GSAP: variants seen among roughly 807,000 people sequenced by gnomAD.
GSAP encodes gamma-secretase-activating protein.
Under a neutral mutation model 131.7 loss-of-function variants are expected in GSAP, and 118 were observed. That is an observed-to-expected ratio of 0.90 (90% CI 0.77 to 1.04). GSAP has a LOEUF of 1.04. Among genes scored for constraint, GSAP ranks in the 50% least tolerant of loss-of-function variants. The pLI is 0.00. For synonymous variants in GSAP, 381 were observed against 363.4 expected, an observed-to-expected ratio of 1.05 and a Z score of -0.55; for missense variants, 1,019 against 1,013.2, an observed-to-expected ratio of 1.01 and a Z score of -0.08.
chr7:77,371,333 C>T (rs1233607886), intron 12 of GSAP, among the ~76,000 whole-genome samples: 1 of 152,126 alleles, frequency 6.6e-6, no homozygotes, highest in East Asian at 1.9e-4. Flanking sequence ...CTGTACTGCC[C>T]ATCCTAGTTC....
intron 26 of GSAP, chr7:77,316,397 G>T (rs1794968437): frequency 6.6e-6 from 1 of 151,982 alleles, no homozygotes; most frequent in Non-Finnish European, 1.5e-5. Flanking sequence ...ACAAGCCATG[G>T]GGCACAGTCC....
chr7:77,397,081 T>G, intron 4 of GSAP, 46 bp from the exon 5 acceptor site: 8 of 1,254,392 alleles, frequency 6.4e-6, no homozygotes, highest in Non-Finnish European at 9.2e-6. Context: ...ATCCATATGG[T>G]AGCTTGTTAA....
chr7:77,416,399 C>A (rs1306565159), upstream of GSAP: 4 of 669,378 alleles, frequency 6.0e-6, no homozygotes, highest in Admixed American at 4.1e-5. Context: ...GCCTCGCCCT[C>A]GCGTCCCCGC....
rs1344948283 is a variant in GSAP, at chr7:77,352,950, C to T, written c.1485G>A (p.Trp495Ter). 12 of 1,571,706 alleles carry T rather than the reference C, an allele frequency of 7.6e-6. No individual in the cohort carries two copies. In the South Asian group the frequency reaches 1.0e-4, roughly 13 times the overall value. ...KLLPHSSVLTWNTEIPGITLV... is the reference protein window; with the variant it reads ...KLLPHSSVLT ...ATACACAGTGTTAACTTACTGTATT[C>T]CAAGTGAGCACTGAGGAATGTGGCA... Residue 495 changes from tryptophan (W) to a stop codon, truncating the protein, a stop_gained, in exon 18 of 31, where the codon TGG becomes TGA. Coordinates refer to ENST00000257626, the MANE Select transcript of GSAP (RefSeq NM_017439.4). LOFTEE classifies it high-confidence loss of function.
Position 77,382,587 on chromosome 7 carries a change from A to G in GSAP, c.513T>C (p.Ile171=), listed in dbSNP as rs751252451. The change falls in exon 7 of 31, where the codon ATT becomes ATC. Residue 171 remains isoleucine, a synonymous_variant. Coordinates refer to ENST00000257626, the MANE Select transcript of GSAP (RefSeq NM_017439.4). The stretch of plus-strand genomic sequence containing the variant: ...AGATACACTTACATTTCTCTTCTGA[A>G]ATCAGTAACAGATGGTTCTCTGGAA... The part of the protein sequence containing the change: ...HPLPENHLLL[I]SEEKYIEQFR... 1 of 1,551,562 alleles carries G rather than the reference A, an allele frequency of 6.4e-7. No individual in the cohort carries two copies. The highest frequency in any genetic ancestry group is 1.1e-5 in the South Asian group (1 of 89,770).
intron 11 of GSAP, among the ~76,000 whole-genome samples, chr7:77,374,488 T>C (rs1310979221): frequency 1.3e-5 from 2 of 152,126 alleles, no homozygotes; most frequent in African/African-American, 4.8e-5. Context: ...TACTTAACGG[T>C]TCAGGATTAT....
intron 14 of GSAP, among the ~76,000 whole-genome samples, chr7:77,359,901 C>G (rs1157510851): frequency 1.3e-5 from 2 of 152,328 alleles, no homozygotes; most frequent in East Asian, 3.8e-4. Flanking sequence ...TAATATTTCT[C>G]TCTCTTATCA....
At chr7:77,398,608 G>GT (rs1315966491) in intron 3 of GSAP, among the ~76,000 whole-genome samples, 9 of 152,010 alleles carry the variant, frequency 5.9e-5, no homozygotes, top group Admixed American at 1.3e-4. Context: ...CTCTACAAAA[G>GT]TTTTTAAAAA....
At chr7:77,342,623 A>G (rs990280944) in intron 19 of GSAP, among the ~76,000 whole-genome samples, 2 of 152,052 alleles carry the variant, frequency 1.3e-5, no homozygotes, top group African/African-American at 4.8e-5. Context: ...TTGGCGACCA[A>G]TCATGCACCC....
intron 18 of GSAP, among the ~76,000 whole-genome samples, chr7:77,352,677 T>C (rs929927889): frequency 8.5e-5 from 13 of 152,202 alleles, no homozygotes; most frequent in African/African-American, 2.9e-4. Flanking sequence ...AATACCATGA[T>C]AGAGGTTTAG....
At position 77,381,330 on chromosome 7, in the gene GSAP, A is replaced by G; in HGVS notation, c.551T>C (p.Val184Ala). The change falls in exon 8 of 31, where the codon GTC (valine) becomes GCC (alanine). Residue 184 changes from valine (V) to alanine (A), a missense_variant. Val to Ala is a moderately conservative substitution (Grantham distance 64). Coordinates refer to ENST00000257626, the MANE Select transcript of GSAP (RefSeq NM_017439.4). ...EKYIEQFRIH[V>A]AQEDGNRVVI... ...CACTCTATTTCCATCTTCTTGGGCGACATGGATACGAAATTGTTCAATATC... is the reference window on the plus strand; with the variant it reads ...CACTCTATTTCCATCTTCTTGGGCGGCATGGATACGAAATTGTTCAATATC... The G allele has an allele frequency of 2.6e-6, 4 of 1,561,626 alleles. No homozygotes were observed. Among genetic ancestry groups the G allele is most frequent in the Non-Finnish European group, 3.5e-6 (4 of 1,147,328 alleles).
rs182486163 is a variant in GSAP at position 77,400,074 on chromosome 7, G to T, written c.244-2659C>A. 9.9e-5 allele frequency among the ~76,000 whole-genome samples: 15 copies of T among 152,236 alleles called. No homozygotes were observed. In the East Asian group the frequency reaches 2.7e-3, roughly 27 times the overall value. On this transcript the variant is annotated intron_variant, in intron 3 of 30. Transcript: ENST00000257626. ...CTAAGTCCAGCCAAACACCACAAAA[G>T]AAAATGCAACCCCACTCCCATCTCT...
chr7:77,378,206 GCA>G (rs1355460293), intron 8 of GSAP, among the ~76,000 whole-genome samples: 2 of 152,342 alleles, frequency 1.3e-5, no homozygotes, highest in South Asian at 2.1e-4. Context: ...AATGGGCTGG[GCA>G]CAGTGGCTCA....
intron 19 of GSAP, among the ~76,000 whole-genome samples, chr7:77,332,417 T>A (rs11761838): frequency 0.19 from 29,445 of 152,136 alleles, 3,061 homozygotes; most frequent in Non-Finnish European, 0.2. Flanking sequence ...ACATTGTGGA[T>A]TTATCAAATC....
intron 3 of GSAP, among the ~76,000 whole-genome samples, chr7:77,398,605 A>G (rs1186145464): frequency 6.6e-6 from 1 of 152,150 alleles, no homozygotes; most frequent in Non-Finnish European, 1.5e-5. Flanking sequence ...TATCTCTACA[A>G]AAGTTTTTAA....
chr7:77,342,917 C>T (rs1791228311), intron 19 of GSAP, among the ~76,000 whole-genome samples: 1 of 152,198 alleles, frequency 6.6e-6, no homozygotes, highest in Admixed American at 6.5e-5. Flanking sequence ...CCTCCCTCCA[C>T]AACCCATTAT....
intron 5 of GSAP, among the ~76,000 whole-genome samples, chr7:77,390,058 G>GT (rs1323940609): frequency 2.0e-5 from 3 of 152,314 alleles, no homozygotes; most frequent in African/African-American, 7.2e-5. Flanking sequence ...TTTTTCATGT[G>GT]TTTTTTGGCT....
chr7:77,383,572 A>T (rs1584639525), intron 6 of GSAP, among the ~76,000 whole-genome samples: 1 of 152,094 alleles, frequency 6.6e-6, no homozygotes. Context: ...AATCCACCCC[A>T]TTCCTCCTTC....
At chr7:77,365,898 GTTTTTTTT>G (rs35007328) in intron 12 of GSAP, among the ~76,000 whole-genome samples, 336 of 115,604 alleles carry the variant, frequency 2.9e-3, no homozygotes, top group Admixed American at 5.2e-3. Context: ...GCAACTGTGG[GTTTTTTTT>G]TTTTTTTTTT....
Sources: allele counts gnomAD v4.1 joint callset (sites outside exome capture counted in the v4.1 genomes callset), GRCh38; gene constraint gnomAD v4.1.1; transcripts MANE v1.5; gene names NCBI Gene and HGNC (gene_info 2026-07-23, HGNC 2026-07-21).